The following CNTNAP4 variants were observed in gnomAD, a reference collection of about 807,000 sequenced individuals.
The protein encoded by CNTNAP4 is contactin associated protein family member 4.
In CNTNAP4, 98 loss-of-function variants were observed where a neutral mutation model predicts 148.4. The observed-to-expected ratio is 0.66, with a 90% CI of 0.56 to 0.78. CNTNAP4 has a LOEUF of 0.78. Among genes scored for constraint, CNTNAP4 ranks in the 30% least tolerant of loss-of-function variants. The pLI is 0.00. For synonymous variants in CNTNAP4, 730 were observed against 565.1 expected, an observed-to-expected ratio of 1.29 and a Z score of -4.14; for missense variants, 1,935 against 1,565.6, an observed-to-expected ratio of 1.24 and a Z score of -3.98.
At chr16:76,341,841 A>G (rs1301251430) in intron 2 of CNTNAP4, among the ~76,000 whole-genome samples, 1 of 152,202 alleles carries the variant, frequency 6.6e-6, no homozygotes, top group Non-Finnish European at 1.5e-5. Context: ...GAAAGTAAAG[A>G]AAAATGGCTC....
At chr16:76,474,743 C>T (rs535337099) in intron 10 of CNTNAP4, among the ~76,000 whole-genome samples, 5 of 152,096 alleles carry the variant, frequency 3.3e-5, no homozygotes, top group Non-Finnish European at 5.9e-5. Context: ...ACTTTTTCAT[C>T]TATGGTGCCC....
At chr16:76,383,478 AT>A (rs572115432) in intron 3 of CNTNAP4, among the ~76,000 whole-genome samples, 6 of 150,438 alleles carry the variant, frequency 4.0e-5, no homozygotes, top group Admixed American at 6.6e-5. Context: ...AAATGGGGCC[AT>A]TTTTTTTTCA....
chr16:76,442,784 G>A (rs1162295530), intron 4 of CNTNAP4, among the ~76,000 whole-genome samples: 2 of 151,938 alleles, frequency 1.3e-5, no homozygotes, highest in African/African-American at 4.8e-5. Context: ...CTTTCCACTG[G>A]GCCACAACTC....
intron 3 of CNTNAP4, among the ~76,000 whole-genome samples, chr16:76,367,501 G>C (rs940289098): frequency 2.0e-5 from 3 of 152,096 alleles, no homozygotes; most frequent in Admixed American, 1.3e-4. Context: ...AATATTTTTA[G>C]CCTATATGAT....
intron 2 of CNTNAP4, among the ~76,000 whole-genome samples, chr16:76,318,759 T>G (rs905833409): frequency 3.0e-4 from 41 of 138,578 alleles, no homozygotes; most frequent in Non-Finnish European, 5.0e-4. Flanking sequence ...ATAATAATAT[T>G]CATAATAATA....
rs537619832 is a variant in CNTNAP4, at chr16:76,442,049, C to T, written c.539-5963C>T. 3.9e-5 allele frequency among the ~76,000 whole-genome samples: 6 copies of T among 152,206 alleles called. No individual in the cohort carries two copies. The East Asian group carries it at 9.7e-4, about 25-fold the overall frequency. On this transcript the variant is annotated intron_variant, in intron 4 of 23. Coordinates refer to ENST00000611870, the MANE Select transcript of CNTNAP4 (RefSeq NM_033401.5). ...GTGTTACCATGGCAAAAGCGCTTTGCAGATGTCATTAACTTAGGGATCTTA... is the reference window on the plus strand; with the variant it reads ...GTGTTACCATGGCAAAAGCGCTTTGTAGATGTCATTAACTTAGGGATCTTA...
intron 4 of CNTNAP4, among the ~76,000 whole-genome samples, chr16:76,436,878 C>G (rs1240581060): frequency 1.3e-5 from 2 of 152,060 alleles, no homozygotes. Context: ...AGCTAAAGAA[C>G]TCCATCCTTA....
At chr16:76,466,215 A>G (rs964960422) in intron 9 of CNTNAP4, among the ~76,000 whole-genome samples, 2 of 152,182 alleles carry the variant, frequency 1.3e-5, no homozygotes, top group South Asian at 2.1e-4. Flanking sequence ...ATTTCACTTA[A>G]CATAATGATC....
chr16:76,474,559 C>T (rs559484564), intron 10 of CNTNAP4, among the ~76,000 whole-genome samples: 2 of 152,134 alleles, frequency 1.3e-5, no homozygotes, highest in African/African-American at 4.8e-5. Flanking sequence ...ATAAAGGAGA[C>T]GGTAGAAACC....
intron 1 of CNTNAP4, among the ~76,000 whole-genome samples, chr16:76,293,935 A>G (rs1461727686): frequency 6.6e-6 from 1 of 151,948 alleles, no homozygotes; most frequent in Non-Finnish European, 1.5e-5. Context: ...TATGTTCTAC[A>G]GTCATTTCCT....
intron 12 of CNTNAP4, among the ~76,000 whole-genome samples, chr16:76,484,547 T>C: frequency 6.6e-6 from 1 of 152,142 alleles, no homozygotes; most frequent in African/African-American, 2.4e-5. Context: ...ACTTTCCTTA[T>C]TGATCTAGTT....
chr16:76,348,324 A>C (rs1478660324), intron 2 of CNTNAP4, among the ~76,000 whole-genome samples: 5 of 152,092 alleles, frequency 3.3e-5, no homozygotes, highest in Non-Finnish European at 5.9e-5. Context: ...ATCAAGTAGA[A>C]TAGAATTCTC....
intron 4 of CNTNAP4, among the ~76,000 whole-genome samples, chr16:76,434,328 C>A (rs1423480086): frequency 1.3e-5 from 2 of 152,126 alleles, no homozygotes; most frequent in African/African-American, 4.8e-5. Context: ...AGGTATATTG[C>A]TGGCATTGCC....
intron 1 of CNTNAP4, among the ~76,000 whole-genome samples, chr16:76,308,215 T>G (rs1000736945): frequency 2.0e-5 from 3 of 152,158 alleles, no homozygotes; most frequent in Non-Finnish European, 4.4e-5. Context: ...CTCAAGTAAA[T>G]GTTAATTTTC....
chr16:76,393,643 C>A (rs2078101535), intron 3 of CNTNAP4, among the ~76,000 whole-genome samples: 1 of 151,440 alleles, frequency 6.6e-6, no homozygotes, highest in Admixed American at 6.6e-5. Flanking sequence ...GCAAGGACTT[C>A]ATGGGGGGTG....
chr16:76,289,565 C>T (rs1959028344), intron 1 of CNTNAP4, among the ~76,000 whole-genome samples: 2 of 145,802 alleles, frequency 1.4e-5, no homozygotes, highest in Non-Finnish European at 3.0e-5. Flanking sequence ...GAGTTCCAAA[C>T]TTTTATTTTC....
At chr16:76,466,768 T>A (rs982206399) in intron 9 of CNTNAP4, among the ~76,000 whole-genome samples, 2 of 152,096 alleles carry the variant, frequency 1.3e-5, no homozygotes, top group African/African-American at 4.8e-5. Flanking sequence ...AACTGTGAAA[T>A]ATTTTTGATA....
At position 76,535,576 on chromosome 16, in the gene CNTNAP4, G is replaced by A. The variant is rs2084178841; in HGVS notation, c.2787G>A (p.Leu929=). 3.1e-6 allele frequency: 5 copies of A among 1,612,464 alleles called. No homozygotes were observed. Among genetic ancestry groups the A allele is most frequent in the Middle Eastern group, 2.1e-4 (1 of 4,796 alleles). The stretch of plus-strand genomic sequence containing the variant: ...CGGCCACCAGACAGAGAGGCTTTCT[G>A]GGCTGCATTCGGTCTCTGCAGTTGA... ...GGTATRQRGF[L]GCIRSLQLNG... The change falls in exon 18 of 24, where the codon CTG becomes CTA. Residue 929 remains leucine (L), a synonymous_variant. Transcript: ENST00000611870.
rs61708542 is a variant in CNTNAP4, at chr16:76,511,838, G to GGAGAGAGAGAGAGAGAGAGAGA, written c.2366-9299_2366-9278dup. 2.6e-4 allele frequency among the ~76,000 whole-genome samples: 39 copies of GGAGAGAGAGAGAGAGAGAGAGA among 148,268 alleles called. 1 individual carries two copies. In the East Asian group the frequency reaches 4.8e-3, roughly 18 times the overall value. On this transcript the variant is annotated intron_variant, in intron 15 of 23. Coordinates refer to ENST00000611870, the MANE Select transcript of CNTNAP4 (RefSeq NM_033401.5). The stretch of plus-strand genomic sequence containing the variant: ...GTATTCTTGGAGCTTATATTTTCTT[G>GGAGAGAGAGAGAGAGAGAGAGA]GAGAGAGAGAGAGAGAGAGAGAGAC...
Sources: gnomAD v4.1 joint callset for allele counts (sites outside exome capture counted in the v4.1 genomes callset) on GRCh38, gnomAD v4.1.1 for gene constraint, MANE v1.5 for transcripts, NCBI Gene and HGNC (gene_info 2026-07-23, HGNC 2026-07-21) for gene names.